Variants in MICAL2 observed in about 807,000 individuals in gnomAD.
MICAL2 encodes the protein [F-actin]-monooxygenase MICAL2.
A neutral mutation model predicts 127.3 loss-of-function variants in MICAL2; 77 were observed. That is an observed-to-expected ratio of 0.60 (90% CI 0.50 to 0.73). MICAL2 has a LOEUF of 0.73. MICAL2 is among the 30% of genes least tolerant of loss of function. MICAL2 has a pLI of 0.00. For synonymous variants in MICAL2, 570 were observed against 551.1 expected (o/e 1.03, Z -0.48); for missense variants, 1,351 against 1,434.4 (o/e 0.94, Z 0.94).
intron 21 of MICAL2, among the ~76,000 whole-genome samples, chr11:12,244,993 T>G (rs1590607381): frequency 6.6e-6 from 1 of 152,156 alleles, no homozygotes; most frequent in East Asian, 1.9e-4. Context: ...TTTGGTTAAG[T>G]AGTTAATGAA....
intron 1 of MICAL2, among the ~76,000 whole-genome samples, chr11:12,125,625 C>G (rs1308257818): frequency 6.6e-6 from 1 of 152,130 alleles, no homozygotes; most frequent in African/African-American, 2.4e-5. Flanking sequence ...AAAGATAAAG[C>G]CTGGGTGCAG....
At chr11:12,292,921 T>C (rs781314697), downstream of MICAL2, among the ~76,000 whole-genome samples, 5 of 150,748 alleles carry the variant, frequency 3.3e-5, no homozygotes, top group African/African-American at 5.0e-5. Flanking sequence ...AGTCCACTCA[T>C]GTTCCCTCTT....
intron 29 of MICAL2, among the ~76,000 whole-genome samples, chr11:12,302,616 T>C (rs1864060001): frequency 6.6e-6 from 1 of 152,186 alleles, no homozygotes; most frequent in African/African-American, 2.4e-5. Flanking sequence ...TGTCTTCTCC[T>C]ACTCTTTTGC....
chr11:12,290,994 G>T (rs146363586), downstream of MICAL2, among the ~76,000 whole-genome samples: 1 of 152,144 alleles, frequency 6.6e-6, no homozygotes, highest in African/African-American at 2.4e-5. Context: ...ATTGTGTTGC[G>T]CTAAGAAGTG....
At chr11:12,173,612 A>G (rs986192566) in intron 3 of MICAL2, among the ~76,000 whole-genome samples, 1 of 152,206 alleles carries the variant, frequency 6.6e-6, no homozygotes, top group Non-Finnish European at 1.5e-5. Context: ...TACATTCTGG[A>G]TGACGTACAA....
At chr11:12,199,160 A>C (rs868688935) in intron 3 of MICAL2, among the ~76,000 whole-genome samples, 9 of 152,360 alleles carry the variant, frequency 5.9e-5, no homozygotes, top group Middle Eastern at 6.8e-3. Flanking sequence ...GAGAGTTAAT[A>C]AGAGTGCCTG....
intron 4 of MICAL2, among the ~76,000 whole-genome samples, chr11:12,204,960 G>T (rs1274878555): frequency 6.6e-6 from 1 of 152,220 alleles, no homozygotes; most frequent in Non-Finnish European, 1.5e-5. Context: ...TGGACATTGT[G>T]CATCGTGCTG....
intron 13 of MICAL2, 61 bp downstream of exon 13, chr11:12,224,881 T>C: frequency 6.6e-7 from 1 of 1,520,524 alleles, no homozygotes; most frequent in East Asian, 2.3e-5. Flanking sequence ...TTCTGCTGCA[T>C]GCAGAATCTT....
chr11:12,360,591 G>A (rs927636353), downstream of MICAL2, among the ~76,000 whole-genome samples: 1 of 152,202 alleles, frequency 6.6e-6, no homozygotes, highest in Non-Finnish European at 1.5e-5. Context: ...AACAGATGAT[G>A]TTCAAGCGTG....
Position 12,223,515 on chromosome 11 carries a change from C to T in MICAL2, c.1540+14C>T, listed in dbSNP as rs2134295492. On this transcript the variant is annotated intron_variant, in intron 12 of 27. Transcript: ENST00000683283. ...TCTCCAGGAAGGGTAAGCGGCCCTC[C>T]TGGGACCCTGGTGGGTGGCTGGGAA... 1.2e-6 allele frequency: 2 copies of T among 1,610,594 alleles called. No homozygotes were observed. The highest frequency in any genetic ancestry group is 2.2e-5 in the East Asian group (1 of 44,850).
chr11:12,242,744 C>G lies in MICAL2; in HGVS notation c.2630C>G (p.Ser877Cys), dbSNP rs1460626895. 1 of 1,610,810 alleles carries G rather than the reference C, an allele frequency of 6.2e-7. No individual in the cohort carries two copies. The highest frequency in any genetic ancestry group is 8.5e-7 in the Non-Finnish European group (1 of 1,178,962). ...AAGGAGAAGGCGGCTCACCTTGCCT[C>G]CATGTTTGGACACGGGGATTTCCCG... Reference protein sequence around the residue: ...NIKEKAAHLASMFGHGDFPQN... With the variant: ...NIKEKAAHLACMFGHGDFPQN... The change falls in exon 20 of 28, where the codon TCC becomes TGC. Residue 877 changes from serine (S) to cysteine (C), a missense_variant. Transcript: ENST00000683283.
downstream of MICAL2, among the ~76,000 whole-genome samples, chr11:12,267,347 C>G (rs552069485): frequency 8.5e-4 from 130 of 152,312 alleles, no homozygotes; most frequent in Middle Eastern, 3.4e-3. Context: ...TTAGCCTTCC[C>G]CATTTCTGGA....
At chr11:12,193,376 A>G (rs1859462727) in intron 3 of MICAL2, among the ~76,000 whole-genome samples, 1 of 152,210 alleles carries the variant, frequency 6.6e-6, no homozygotes. Flanking sequence ...CCTTAGAGCA[A>G]TAGGAATTGG....
chr11:12,290,254 C>A (rs546568768), downstream of MICAL2, among the ~76,000 whole-genome samples: 1 of 152,188 alleles, frequency 6.6e-6, no homozygotes, highest in East Asian at 1.9e-4. Context: ...AGAAAGAGAC[C>A]CCCTAGCAGG....
At chr11:12,340,122 A>G (rs1938835946) in intron 32 of MICAL2, among the ~76,000 whole-genome samples, 1 of 152,240 alleles carries the variant, frequency 6.6e-6, no homozygotes, top group Non-Finnish European at 1.5e-5. Context: ...GAACCCTCAG[A>G]TACAGACGGT....
intron 1 of MICAL2, among the ~76,000 whole-genome samples, chr11:12,125,277 G>A (rs1161446919): frequency 3.3e-5 from 5 of 151,890 alleles, no homozygotes; most frequent in East Asian, 1.9e-4. Flanking sequence ...TTTTTGAGAC[G>A]GAGTCTCGCT....
intron 2 of MICAL2, among the ~76,000 whole-genome samples, chr11:12,157,050 C>T (rs1442044457): frequency 2.6e-5 from 4 of 152,214 alleles, no homozygotes; most frequent in Non-Finnish European, 5.9e-5. Context: ...TGTCTGTGAG[C>T]CTCAAGGGTG....
At chr11:12,251,950 G>T (rs1050455642) in intron 22 of MICAL2, among the ~76,000 whole-genome samples, 3 of 152,216 alleles carry the variant, frequency 2.0e-5, no homozygotes, top group East Asian at 3.8e-4. Context: ...CTTACTCAGG[G>T]GAGGCAGTAA....
chr11:12,320,993 T>C (rs1377953869), intron 30 of MICAL2, among the ~76,000 whole-genome samples: 3 of 152,210 alleles, frequency 2.0e-5, no homozygotes, highest in African/African-American at 7.2e-5. Context: ...TCCCCTTGAA[T>C]GACCCTGAGT....
Sources: allele counts gnomAD v4.1 joint callset (sites outside exome capture counted in the v4.1 genomes callset), GRCh38; gene constraint gnomAD v4.1.1; transcripts MANE v1.5; gene names NCBI Gene and HGNC (gene_info 2026-07-23, HGNC 2026-07-21).